Variants in SOX6 observed in about 807,000 individuals in gnomAD.
The protein encoded by SOX6 is transcription factor SOX-6.
Under a neutral mutation model 97.8 loss-of-function variants are expected in SOX6, and 11 were observed. The ratio of observed to expected loss-of-function variants is 0.11; its 90% confidence interval spans 0.07 to 0.19. The LOEUF (loss-of-function observed/expected upper bound fraction) is 0.19, where lower values mean the gene tolerates loss of function less well. SOX6 is among the 10% of genes least tolerant of loss of function. SOX6 has a pLI of 1.00. For missense variants in SOX6, 810 were observed against 1,039.5 expected (o/e 0.78, Z 3.04); for synonymous variants, 360 against 371.4 (o/e 0.97, Z 0.35).
chr11:16,693,623 A>G (rs760936113), intron 3 of SOX6, among the ~76,000 whole-genome samples: 13 of 152,182 alleles, frequency 8.5e-5, no homozygotes, highest in Admixed American at 5.9e-4. Flanking sequence ...CCCTAAGACC[A>G]GAGTAAACTA....
At chr11:16,058,904 C>T (rs1269767907) in intron 9 of SOX6, among the ~76,000 whole-genome samples, 1 of 152,050 alleles carries the variant, frequency 6.6e-6, no homozygotes, top group African/African-American at 2.4e-5. Context: ...GGTTGCATGA[C>T]ATTAGGGAGG....
chr11:16,069,352 G>A (rs1435857512), intron 9 of SOX6, among the ~76,000 whole-genome samples: 1 of 152,066 alleles, frequency 6.6e-6, no homozygotes, highest in East Asian at 1.9e-4. Context: ...TCTATCGACT[G>A]TTCATACATA....
intron 6 of SOX6, among the ~76,000 whole-genome samples, chr11:16,118,532 C>G (rs1347164099): frequency 6.6e-6 from 1 of 152,190 alleles, no homozygotes; most frequent in African/African-American, 2.4e-5. Context: ...TGCCCCAGAG[C>G]TTCATTAAAG....
At chr11:16,326,178 G>T (rs751542342) in intron 2 of SOX6, among the ~76,000 whole-genome samples, 7 of 152,132 alleles carry the variant, frequency 4.6e-5, no homozygotes, top group Non-Finnish European at 8.8e-5. Context: ...CCTCTTCCAT[G>T]TGAGAGTTGT....
rs575212804 is a variant in SOX6, at chr11:16,063,833, A to G, written c.1102-7932T>C. ...ATAGAAATTATTATCCATTTTAGTCAATCTTACTTTTAAGCCTGTATTCTT... is the reference window on the plus strand; with the variant it reads ...ATAGAAATTATTATCCATTTTAGTCGATCTTACTTTTAAGCCTGTATTCTT... On this transcript the variant is annotated intron_variant, in intron 9 of 15. Coordinates refer to ENST00000683767, the MANE Select transcript of SOX6 (RefSeq NM_001367873.1). Among the ~76,000 whole-genome samples, 19 of 151,364 alleles carry G rather than the reference A, an allele frequency of 1.3e-4. No individual in the cohort carries two copies. In the South Asian group the frequency reaches 3.9e-3, roughly 31 times the overall value.
At chr11:16,608,585 G>C (rs963518954) in intron 4 of SOX6, among the ~76,000 whole-genome samples, 2 of 151,800 alleles carry the variant, frequency 1.3e-5, no homozygotes, top group Admixed American at 1.3e-4. Context: ...TTAAACGATG[G>C]AGGAGGAGGC....
chr11:16,507,729 G>A (rs1375978474), intron 4 of SOX6, among the ~76,000 whole-genome samples: 3 of 151,944 alleles, frequency 2.0e-5, no homozygotes, highest in African/African-American at 7.2e-5. Flanking sequence ...AGAATGAAAT[G>A]AGACTAAAAT....
chr11:16,021,690 A>G (rs1337838477), intron 12 of SOX6, among the ~76,000 whole-genome samples: 1 of 152,036 alleles, frequency 6.6e-6, no homozygotes, highest in African/African-American at 2.4e-5. Flanking sequence ...AAAGCTATTA[A>G]TTTGTCTAGT....
At chr11:16,317,504 AT>A (rs1855786374) in intron 3 of SOX6, 1 of 152,358 alleles carries the variant, frequency 6.6e-6, no homozygotes, top group African/African-American at 2.4e-5. Context: ...TCATCAAAAA[AT>A]ATATACATTT....
rs564984955 is a variant in SOX6, at chr11:16,643,636, G to A, written n.430-31376C>T. On this transcript the variant is annotated intron_variant and non_coding_transcript_variant, in intron 3 of 5. Transcript: ENST00000524520. Reference sequence around the variant, plus strand: ...TGGCAGGCACCCCTCCCCCAGCCTCGCTGCCACCTTGCAGTTTGATCTCAG... The same window carrying A: ...TGGCAGGCACCCCTCCCCCAGCCTCACTGCCACCTTGCAGTTTGATCTCAG... Among the ~76,000 whole-genome samples, 325 of 152,082 alleles carry A rather than the reference G, an allele frequency of 2.1e-3. 2 individuals are homozygous for A. Among genetic ancestry groups the A allele is most frequent in the African/African-American group, 7.5e-3 (313 of 41,532 alleles).
intron 3 of SOX6, among the ~76,000 whole-genome samples, chr11:16,679,804 G>A (rs558943047): frequency 9.2e-5 from 14 of 152,254 alleles, no homozygotes; most frequent in Admixed American, 3.3e-4. Flanking sequence ...CAAGAACTTC[G>A]TGACACATGC....
At chr11:16,726,800 G>A (rs1388516011) in intron 2 of SOX6, among the ~76,000 whole-genome samples, 2 of 152,078 alleles carry the variant, frequency 1.3e-5, no homozygotes, top group East Asian at 1.9e-4. Flanking sequence ...AAAGTATTAA[G>A]ACCAAAATGT....
At chr11:16,562,396 T>C (rs1051745639) in intron 4 of SOX6, among the ~76,000 whole-genome samples, 1 of 151,996 alleles carries the variant, frequency 6.6e-6, no homozygotes, top group African/African-American at 2.4e-5. Flanking sequence ...CATCAATAGA[T>C]ACAGAAAAAA....
intron 13 of SOX6, among the ~76,000 whole-genome samples, chr11:15,989,932 C>G (rs75384969): frequency 0.019 from 2,942 of 152,110 alleles, 92 homozygotes; most frequent in African/African-American, 0.068. Flanking sequence ...AAAAAAGCAC[C>G]AGATAGAATG....
intron 1 of SOX6, among the ~76,000 whole-genome samples, chr11:16,352,036 T>C (rs1856960119): frequency 6.6e-6 from 1 of 152,002 alleles, no homozygotes; most frequent in Non-Finnish European, 1.5e-5. Flanking sequence ...ATTTAGGGTG[T>C]TATCTTCAAC....
chr11:16,366,487 T>C lies in SOX6; in HGVS notation c.-4-25235A>G, dbSNP rs139753288. Among the ~76,000 whole-genome samples, 811 of 152,214 alleles carry C rather than the reference T, an allele frequency of 5.3e-3. 10 individuals carry two copies. Among genetic ancestry groups the C allele is most frequent in the African/African-American group, 0.018 (764 of 41,558 alleles). ...CAGGTATGGGTAATATTATCCACAA[T>C]CTATAATGATAACAGATATTGAGAA... On this transcript the variant is annotated intron_variant, in intron 1 of 15. Transcript: ENST00000396356.
At chr11:16,049,039 A>C (rs1268789145) in intron 11 of SOX6, among the ~76,000 whole-genome samples, 1 of 152,124 alleles carries the variant, frequency 6.6e-6, no homozygotes, top group Non-Finnish European at 1.5e-5. Context: ...TTTAATATGC[A>C]TTTTTCTGTT....
chr11:16,241,832 TAGAA>T (rs1853203768), intron 3 of SOX6, among the ~76,000 whole-genome samples: 1 of 151,854 alleles, frequency 6.6e-6, no homozygotes, highest in Non-Finnish European at 1.5e-5. Flanking sequence ...AAGCCAAAAA[TAGAA>T]AGAAAAGCAG....
chr11:16,531,095 G>A (rs1023988852), intron 4 of SOX6, among the ~76,000 whole-genome samples: 1 of 149,718 alleles, frequency 6.7e-6, no homozygotes, highest in Non-Finnish European at 1.5e-5. Flanking sequence ...TTAAACTTCT[G>A]TAAATTTGGT....
Sources: gnomAD v4.1 joint callset for allele counts (sites outside exome capture counted in the v4.1 genomes callset) on GRCh38, gnomAD v4.1.1 for gene constraint, MANE v1.5 for transcripts, NCBI Gene and HGNC (gene_info 2026-07-23, HGNC 2026-07-21) for gene names.